Variants in RARB observed in about 807,000 individuals in gnomAD.
RARB encodes HBV-activated protein.
Under a neutral mutation model 51.9 loss-of-function variants are expected in RARB, and 17 were observed. The observed-to-expected ratio is 0.33, with a 90% CI of 0.22 to 0.49. The LOEUF (loss-of-function observed/expected upper bound fraction) is 0.49. Ranked by LOEUF, RARB falls within the 20% of genes least tolerant of loss-of-function variation. RARB has a pLI of 0.99. For synonymous variants in RARB, 215 were observed against 195.4 expected, an observed-to-expected ratio of 1.10 and a Z score of -0.84; for missense variants, 369 against 550.8, an observed-to-expected ratio of 0.67 and a Z score of 3.30.
At chr3:25,126,955 A>T (rs979847658) in intron 3 of RARB, among the ~76,000 whole-genome samples, 7 of 152,076 alleles carry the variant, frequency 4.6e-5, no homozygotes, top group African/African-American at 1.7e-4. Flanking sequence ...CATCAAATGC[A>T]AGTTCTTCAC....
At chr3:24,970,423 A>G (rs1696371844) in intron 2 of RARB, among the ~76,000 whole-genome samples, 1 of 152,034 alleles carries the variant, frequency 6.6e-6, no homozygotes, top group African/African-American at 2.4e-5. Context: ...CTTTATAATT[A>G]GTCCATACTG....
chr3:25,012,981 C>G (rs1697430413), intron 2 of RARB, among the ~76,000 whole-genome samples: 1 of 152,028 alleles, frequency 6.6e-6, no homozygotes. Context: ...TGGTATCTTT[C>G]TCAGGTTGAA....
chr3:24,927,496 G>T (rs1023715756), intron 2 of RARB, among the ~76,000 whole-genome samples: 2 of 152,076 alleles, frequency 1.3e-5, no homozygotes, highest in African/African-American at 4.8e-5. Flanking sequence ...GAGATTGAAA[G>T]CTCTATGTGA....
intron 2 of RARB, among the ~76,000 whole-genome samples, chr3:24,891,894 T>G (rs1032834792): frequency 4.6e-5 from 7 of 152,044 alleles, no homozygotes; most frequent in East Asian, 1.9e-4. Context: ...GGTTCAACTT[T>G]CCTAAGCCCC....
intron 5 of RARB, among the ~76,000 whole-genome samples, chr3:25,258,374 G>C (rs1702917720): frequency 6.6e-6 from 1 of 152,200 alleles, no homozygotes. Flanking sequence ...GGTCGCAATT[G>C]ATATTGTAAA....
At chr3:25,436,835 G>A (rs1160927021) in intron 1 of RARB, among the ~76,000 whole-genome samples, 1 of 152,054 alleles carries the variant, frequency 6.6e-6, no homozygotes, top group Non-Finnish European at 1.5e-5. Flanking sequence ...CTTCTCCCTG[G>A]TCCTCTCAGA....
chr3:25,578,749 T>C (rs899480840), intron 4 of RARB, among the ~76,000 whole-genome samples: 1 of 152,228 alleles, frequency 6.6e-6, no homozygotes, highest in Non-Finnish European at 1.5e-5. Flanking sequence ...ACCTTCGTTT[T>C]TACAGTGTCT....
intron 2 of RARB, among the ~76,000 whole-genome samples, chr3:24,909,941 CTATA>C (rs1398736534): frequency 2.6e-5 from 4 of 152,094 alleles, no homozygotes; most frequent in African/African-American, 9.7e-5. Context: ...TGTCGAATTT[CTATA>C]TATTTTTTCC....
At chr3:24,882,713 C>T (rs1361084697) in intron 2 of RARB, among the ~76,000 whole-genome samples, 2 of 152,168 alleles carry the variant, frequency 1.3e-5, no homozygotes, top group East Asian at 1.9e-4. Context: ...GTATAGAAGC[C>T]TTAACTTGTT....
intron 2 of RARB, among the ~76,000 whole-genome samples, chr3:25,470,057 C>T (rs1236912980): frequency 6.6e-6 from 1 of 152,164 alleles, no homozygotes; most frequent in African/African-American, 2.4e-5. Flanking sequence ...GCACAGCGTG[C>T]CATCATTTCA....
At chr3:25,146,191 C>T (rs982323821) in intron 4 of RARB, among the ~76,000 whole-genome samples, 2 of 152,070 alleles carry the variant, frequency 1.3e-5, no homozygotes, top group African/African-American at 4.8e-5. Context: ...CTAATAGAGA[C>T]AAGGCACCCA....
In RARB at chr3:25,383,446, C is replaced by T. The variant is rs75386673; in HGVS notation, c.179-77747C>T. Among the ~76,000 whole-genome samples, 320 of 152,282 alleles carry T rather than the reference C, an allele frequency of 2.1e-3. 1 individual carries two copies. The highest frequency in any genetic ancestry group is 3.6e-3 in the Non-Finnish European group (247 of 68,030). On this transcript the variant is annotated intron_variant, in intron 5 of 11. Transcript: ENST00000383772. ...CCCTGTATTGATAGCCTTTGCTATC[C>T]TCCAATATTTTCCCAGATTTCAAGT...
At chr3:25,423,700 A>G (rs1021683383), upstream of RARB, among the ~76,000 whole-genome samples, 6 of 152,232 alleles carry the variant, frequency 3.9e-5, no homozygotes, top group Non-Finnish European at 7.3e-5. Context: ...ATAGGGAGTG[A>G]TGGAAAATGT....
intron 1 of RARB, among the ~76,000 whole-genome samples, chr3:25,442,515 A>G (rs990109765): frequency 6.6e-6 from 1 of 152,194 alleles, no homozygotes; most frequent in Non-Finnish European, 1.5e-5. Context: ...TCACTTCTAC[A>G]TACTTCAGCT....
At chr3:25,026,342 A>G (rs537497247) in intron 2 of RARB, among the ~76,000 whole-genome samples, 4 of 152,334 alleles carry the variant, frequency 2.6e-5, no homozygotes, top group Non-Finnish European at 5.9e-5. Context: ...AAAGTCTTCT[A>G]TAAGTGGGCT....
At chr3:25,007,614 C>CAAAAAAAAAAAAAAAAAAAA in intron 2 of RARB, among the ~76,000 whole-genome samples, 5 of 62,564 alleles carry the variant, frequency 8.0e-5, no homozygotes, top group Non-Finnish European at 1.5e-4. Flanking sequence ...ACAAAAAAAC[C>CAAAAAAAAAAAAAAAAAAAA]TCATATTTTC....
chr3:25,357,822 G>T (rs1705793086), intron 5 of RARB, among the ~76,000 whole-genome samples: 1 of 152,130 alleles, frequency 6.6e-6, no homozygotes. Context: ...GGTTGTAGAT[G>T]TGTGGTGTTA....
chr3:25,495,541 T>C (rs77740084), intron 2 of RARB, among the ~76,000 whole-genome samples: 6,552 of 152,322 alleles, frequency 0.043, 476 homozygotes, highest in African/African-American at 0.15. Context: ...CATTCCATAA[T>C]TACTGCTAAT....
chr3:24,914,092 A>G (rs1328689273), intron 2 of RARB, among the ~76,000 whole-genome samples: 1 of 152,264 alleles, frequency 6.6e-6, no homozygotes, highest in African/African-American at 2.4e-5. Flanking sequence ...CTTAAGCAGC[A>G]TTAGAAAGAG....
Sources: gnomAD v4.1 joint callset for allele counts (sites outside exome capture counted in the v4.1 genomes callset) on GRCh38, gnomAD v4.1.1 for gene constraint, MANE v1.5 for transcripts, NCBI Gene and HGNC (gene_info 2026-07-23, HGNC 2026-07-21) for gene names.